The following AOPEP variants were observed in gnomAD, a reference collection of about 807,000 sequenced individuals.
AOPEP encodes aminopeptidase O.
A neutral mutation model predicts 98.1 loss-of-function variants in AOPEP; 77 were observed. That is an observed-to-expected ratio of 0.78 (90% confidence interval 0.65 to 0.95). AOPEP has a LOEUF of 0.95. AOPEP is among the 40% of genes least tolerant of loss of function. AOPEP has a pLI of 0.00. For missense variants in AOPEP, 1,024 were observed against 1,024.7 expected (o/e 1.00, Z 0.01); for synonymous variants, 346 against 365.3 (o/e 0.95, Z 0.60).
chr9:95,125,163 C>CA, the AOPEP span: 5 of 1,614,178 alleles, frequency 3.1e-6, no homozygotes, highest in Non-Finnish European at 4.2e-6. Context: ...TCCAGGGCCC[C>CA]ATCGGTTTCC....
chr9:95,111,726 T>A, the AOPEP span: 2 of 1,502,628 alleles, frequency 1.3e-6, no homozygotes, highest in East Asian at 2.3e-5. Flanking sequence ...TGCCAACGGT[T>A]GGCTTAAATT....
At chr9:94,839,498 C>T (rs2042039561) in intron 5 of AOPEP, among the ~76,000 whole-genome samples, 1 of 152,182 alleles carries the variant, frequency 6.6e-6, no homozygotes, top group Non-Finnish European at 1.5e-5. Context: ...GCTGGGATTA[C>T]AGCTGTGAGC....
In AOPEP at chr9:94,972,495, C is replaced by A. The variant is rs576082705; in HGVS notation, c.1916+4694C>A. Among the ~76,000 whole-genome samples the A allele has an allele frequency of 1.3e-5, 2 of 152,310 alleles. No homozygotes were observed. The highest frequency in any genetic ancestry group is 4.8e-5 in the African/African-American group (2 of 41,564). ...AACAGCTGCCACTTCTTTCCTTGCC[C>A]ATCAGTTACTGTGTTTGTGTGTGCA... On this transcript the variant is annotated intron_variant, in intron 10 of 16. Transcript: ENST00000375315. This position sits in a 1 kb window ranked among gnomAD's most constrained non-coding sequence, Gnocchi z 4.2.
At chr9:95,026,241 C>A (rs1219706456) in intron 13 of AOPEP, among the ~76,000 whole-genome samples, 1 of 152,156 alleles carries the variant, frequency 6.6e-6, no homozygotes, top group Non-Finnish European at 1.5e-5. Context: ...ATAAACAATT[C>A]ACTGATTTTA....
At chr9:95,010,183 C>G (rs1156595009) in intron 13 of AOPEP, among the ~76,000 whole-genome samples, 2 of 152,022 alleles carry the variant, frequency 1.3e-5, no homozygotes, top group Non-Finnish European at 2.9e-5. Flanking sequence ...TATTACAGTA[C>G]TAATATTATT....
chr9:94,859,641 G>A (rs2135394681), intron 5 of AOPEP, among the ~76,000 whole-genome samples: 1 of 152,280 alleles, frequency 6.6e-6, no homozygotes, highest in East Asian at 1.9e-4. Flanking sequence ...TATGAATCAA[G>A]TAAGCATCAA....
At chr9:94,869,653 G>C (rs1274387127) in intron 5 of AOPEP, among the ~76,000 whole-genome samples, 1 of 152,210 alleles carries the variant, frequency 6.6e-6, no homozygotes, top group Non-Finnish European at 1.5e-5. Context: ...AATTGAATTA[G>C]TGTAAAAGGA....
chr9:95,134,395 G>C, the AOPEP span, among the ~76,000 whole-genome samples: 1 of 152,138 alleles, frequency 6.6e-6, no homozygotes, highest in South Asian at 2.1e-4. Context: ...TCAAGGGCGA[G>C]GGTGAACACT....
the AOPEP span, among the ~76,000 whole-genome samples, chr9:95,111,996 G>A: frequency 1.3e-5 from 2 of 152,224 alleles, no homozygotes; most frequent in Non-Finnish European, 2.9e-5. Flanking sequence ...GAGATGGGGA[G>A]AAAGAGGTGG....
Position 95,026,630 on chromosome 9 carries a change from G to A in AOPEP, c.2115+21014G>A, listed in dbSNP as rs140860489. On this transcript the variant is annotated intron_variant, in intron 13 of 16. Transcript: ENST00000375315. ...TTTGGGTTATTTCCAGTTTAGGGCT[G>A]TAGTAATGCTGCAGTAAGTACAGAT... Among the ~76,000 whole-genome samples, 14 of 152,342 alleles carry A rather than the reference G, an allele frequency of 9.2e-5. No individual in the cohort carries two copies. In the East Asian group the frequency reaches 2.5e-3, roughly 27 times the overall value.
intron 5 of AOPEP, among the ~76,000 whole-genome samples, chr9:94,807,936 C>T (rs1340770938): frequency 5.3e-5 from 8 of 152,332 alleles, no homozygotes; most frequent in East Asian, 1.9e-4. Flanking sequence ...CCCACCTCTG[C>T]GCCATAGAGG....
At chr9:94,932,945 A>G in intron 7 of AOPEP, 1 of 985,404 alleles carries the variant, frequency 1.0e-6, no homozygotes, top group Non-Finnish European at 1.2e-6. Flanking sequence ...CTTCTGAGGC[A>G]AGACGATTTG....
intron 11 of AOPEP, among the ~76,000 whole-genome samples, chr9:95,004,601 G>A (rs1249049851): frequency 6.6e-6 from 1 of 152,104 alleles, no homozygotes; most frequent in African/African-American, 2.4e-5. Context: ...AGCGCGCTAC[G>A]CTGGCTACGG....
intron 5 of AOPEP, among the ~76,000 whole-genome samples, chr9:94,918,969 G>T (rs1213077558): frequency 6.6e-6 from 1 of 151,818 alleles, no homozygotes; most frequent in Non-Finnish European, 1.5e-5. Context: ...GGGCTGGAGT[G>T]CAATGGTGCA....
chr9:94,789,398 A>G (rs940721036), intron 3 of AOPEP, among the ~76,000 whole-genome samples: 7 of 152,202 alleles, frequency 4.6e-5, no homozygotes, highest in East Asian at 1.9e-4. Flanking sequence ...TCTAAAATGT[A>G]CTTCAGAGAA....
chr9:94,979,637 G>T (rs1033122217), intron 11 of AOPEP, among the ~76,000 whole-genome samples: 17 of 152,206 alleles, frequency 1.1e-4, no homozygotes, highest in African/African-American at 3.9e-4. Flanking sequence ...AGTGACCGTG[G>T]TATACGTGGA....
the AOPEP span, among the ~76,000 whole-genome samples, chr9:95,130,927 T>C: frequency 6.6e-6 from 1 of 152,268 alleles, no homozygotes; most frequent in Non-Finnish European, 1.5e-5. Flanking sequence ...TTTTTTATTA[T>C]GCCATTTGCT....
At chr9:95,068,099 G>C (rs138702070) in intron 14 of AOPEP, among the ~76,000 whole-genome samples, 68 of 152,304 alleles carry the variant, frequency 4.5e-4, no homozygotes, top group African/African-American at 1.6e-3. Flanking sequence ...TGGACAGTTA[G>C]GGTGTTTCCA....
At chr9:94,939,889 C>T (rs575112735) in intron 7 of AOPEP, among the ~76,000 whole-genome samples, 22 of 152,116 alleles carry the variant, frequency 1.4e-4, no homozygotes, top group Admixed American at 2.0e-4. Context: ...TATTTTCAGT[C>T]TGAGGTTGGT....
Sources: gnomAD v4.1 joint callset for allele counts (sites outside exome capture counted in the v4.1 genomes callset) on GRCh38, gnomAD v4.1.1 for gene constraint, Gnocchi (gnomAD v3.1) non-coding constraint, MANE v1.5 for transcripts, NCBI Gene and HGNC (gene_info 2026-07-23, HGNC 2026-07-21) for gene names.